The following NELL1 variants were observed in gnomAD, a reference collection of about 807,000 sequenced individuals.
NELL1 encodes protein kinase C-binding protein NELL1.
Under a neutral mutation model 107.4 loss-of-function variants are expected in NELL1, and 76 were observed. The ratio of observed to expected loss-of-function variants is 0.71; its 90% CI spans 0.59 to 0.86. The LOEUF is 0.86. Ranked by LOEUF, NELL1 falls within the 40% of genes least tolerant of loss-of-function variation. NELL1 has a pLI of 0.00. For synonymous variants in NELL1, 353 were observed against 341.2 expected (o/e 1.03, Z -0.38); for missense variants, 1,024 against 1,005.5 (o/e 1.02, Z -0.25).
At chr11:21,412,136 G>A (rs1186954766) in intron 15 of NELL1, among the ~76,000 whole-genome samples, 1 of 151,954 alleles carries the variant, frequency 6.6e-6, no homozygotes, top group Non-Finnish European at 1.5e-5. Flanking sequence ...ATCACTCTTT[G>A]TTTTCAAAAC....
In NELL1 at chr11:21,349,394, A is replaced by C. The variant is rs553908125; in HGVS notation, c.1550-21459A>C. On this transcript the variant is annotated intron_variant, in intron 14 of 19. Coordinates refer to ENST00000357134, the MANE Select transcript of NELL1 (RefSeq NM_006157.5). ...GGCAAGTATTGGGAGCATCAACCTT[A>C]GTTTTATCAGCATGAAAAACTGCTC... Among the ~76,000 whole-genome samples the C allele has an allele frequency of 9.2e-5, 14 of 152,274 alleles. No individual in the cohort carries two copies. The South Asian group carries it at 2.9e-3, about 32-fold the overall frequency.
intron 2 of NELL1, among the ~76,000 whole-genome samples, chr11:20,686,351 G>T (rs2133859957): frequency 6.6e-6 from 1 of 152,170 alleles, no homozygotes; most frequent in South Asian, 2.1e-4. Context: ...AGAGCACAAA[G>T]AATTGAGTAA....
chr11:20,934,387 A>C (rs908013443), intron 9 of NELL1, among the ~76,000 whole-genome samples: 4 of 152,218 alleles, frequency 2.6e-5, no homozygotes, highest in African/African-American at 9.6e-5. Flanking sequence ...CTGCTATGTG[A>C]GTACATAAAG....
chr11:21,041,381 T>C (rs1446948386), intron 12 of NELL1, among the ~76,000 whole-genome samples: 1 of 152,178 alleles, frequency 6.6e-6, no homozygotes, highest in Admixed American at 6.6e-5. Context: ...CCATGGATAT[T>C]GAGTTCAATT....
chr11:21,351,490 G>C (rs1850814857), intron 14 of NELL1, among the ~76,000 whole-genome samples: 1 of 147,704 alleles, frequency 6.8e-6, no homozygotes, highest in Admixed American at 6.7e-5. Context: ...GCAGAAAAAA[G>C]TAAGTGTAAA....
chr11:20,919,176 G>C, intron 6 of NELL1, 76 bp from the exon 7 acceptor site: 1 of 848,968 alleles, frequency 1.2e-6, no homozygotes, highest in South Asian at 1.9e-5. Context: ...ACATAGTCAC[G>C]TATCTACTGT....
intron 5 of NELL1, among the ~76,000 whole-genome samples, chr11:20,896,647 G>A (rs1849744374): frequency 6.6e-6 from 1 of 152,124 alleles, no homozygotes; most frequent in Non-Finnish European, 1.5e-5. Flanking sequence ...CGACATGATT[G>A]TATATCTAGA....
In NELL1 at chr11:20,977,871, A is replaced by G. The variant is rs970575458; in HGVS notation, c.1300+17311A>G. 3.3e-5 allele frequency among the ~76,000 whole-genome samples: 5 copies of G among 152,162 alleles called. No homozygotes were observed. The South Asian group carries it at 6.2e-4, about 19-fold the overall frequency. On this transcript the variant is annotated intron_variant, in intron 12 of 19. Transcript: ENST00000357134. ...TATGTTTATATTCTAAGTACCTTAC[A>G]TGGTTTTTGCTATTATACTCCAGTA...
intron 15 of NELL1, among the ~76,000 whole-genome samples, chr11:21,519,524 GTTTGT>G (rs1172595077): frequency 8.6e-6 from 1 of 116,116 alleles, no homozygotes; most frequent in Non-Finnish European, 1.9e-5. Flanking sequence ...TTGTTTGTTT[GTTTGT>G]TTTGTTTTGT....
chr11:20,706,676 TAAAAA>T lies in NELL1; in HGVS notation c.184+28622_184+28626del, dbSNP rs563903156. 5.4e-5 allele frequency among the ~76,000 whole-genome samples: 8 copies of T among 147,342 alleles called. No individual in the cohort carries two copies. The South Asian group carries it at 1.1e-3, about 20-fold the overall frequency. On this transcript the variant is annotated intron_variant, in intron 2 of 19. Coordinates refer to ENST00000357134, the MANE Select transcript of NELL1 (RefSeq NM_006157.5). ...CCTAAAACTTATAATAATAACAAAA[TAAAAA>T]AAAAAGGAATGTTGAATATTGGCCC...
At chr11:21,567,554 G>A (rs910273155) in intron 17 of NELL1, among the ~76,000 whole-genome samples, 1 of 151,766 alleles carries the variant, frequency 6.6e-6, no homozygotes, top group Non-Finnish European at 1.5e-5. Flanking sequence ...TATAGTAAAA[G>A]AGCCAATGCA....
At chr11:21,463,801 T>G (rs893797545) in intron 15 of NELL1, among the ~76,000 whole-genome samples, 2 of 152,134 alleles carry the variant, frequency 1.3e-5, no homozygotes, top group African/African-American at 4.8e-5. Flanking sequence ...AGAGGTGGCT[T>G]GTCTCTTTTC....
intron 2 of NELL1, among the ~76,000 whole-genome samples, chr11:20,713,224 C>A (rs1361280957): frequency 2.0e-5 from 3 of 152,144 alleles, no homozygotes; most frequent in African/African-American, 7.2e-5. Context: ...GTCTACAAAG[C>A]TCCGGAGTGT....
intron 14 of NELL1, 101 bp downstream of exon 14, chr11:21,229,555 C>T (rs1172146979): frequency 5.5e-6 from 8 of 1,466,958 alleles, no homozygotes; most frequent in Admixed American, 1.9e-5. Context: ...TGGAACACAG[C>T]CAGGGTTCCT....
chr11:21,535,532 G>A (rs7114465), intron 16 of NELL1, among the ~76,000 whole-genome samples: 100,850 of 152,054 alleles, frequency 0.66, 37,179 homozygotes, highest in Non-Finnish European at 0.84. Flanking sequence ...CAATGGCCAC[G>A]TGGCATGAAT....
chr11:21,036,348 A>G (rs542031545), intron 12 of NELL1, among the ~76,000 whole-genome samples: 12 of 152,318 alleles, frequency 7.9e-5, no homozygotes, highest in African/African-American at 2.4e-4. Flanking sequence ...CTATCAAACT[A>G]CCAACGACAT....
intron 13 of NELL1, among the ~76,000 whole-genome samples, chr11:21,174,100 G>A (rs1231935031): frequency 6.6e-6 from 1 of 151,646 alleles, no homozygotes; most frequent in East Asian, 1.9e-4. Context: ...TGGCCAAGAG[G>A]AACTGGAGCC....
At chr11:21,231,570 T>C (rs1033317819) in intron 14 of NELL1, among the ~76,000 whole-genome samples, 6 of 152,212 alleles carry the variant, frequency 3.9e-5, no homozygotes, top group Admixed American at 1.3e-4. Flanking sequence ...GGGATTTTAA[T>C]GCACTTTTTT....
intron 2 of NELL1, among the ~76,000 whole-genome samples, chr11:20,737,638 A>G (rs1401307056): frequency 6.6e-6 from 1 of 152,124 alleles, no homozygotes; most frequent in Non-Finnish European, 1.5e-5. Flanking sequence ...TTGAAACATC[A>G]TGCTTAAGTG....
Sources: gnomAD v4.1 joint callset for allele counts (sites outside exome capture counted in the v4.1 genomes callset) on GRCh38, gnomAD v4.1.1 for gene constraint, MANE v1.5 for transcripts, NCBI Gene and HGNC (gene_info 2026-07-23, HGNC 2026-07-21) for gene names.